ZMYND11: variants seen among roughly 807,000 people sequenced by gnomAD.
ZMYND11 encodes zinc finger MYND-type containing 11, also known as zinc finger MYND domain-containing protein 11.
A neutral mutation model predicts 84.9 loss-of-function variants in ZMYND11; 9 were observed. The ratio of observed to expected loss-of-function variants is 0.11; its 90% confidence interval spans 0.06 to 0.18. ZMYND11 has a LOEUF of 0.18. ZMYND11 is among the 10% of genes least tolerant of loss of function. ZMYND11 has a pLI of 1.00. For missense variants in ZMYND11, 409 were observed against 761.0 expected (o/e 0.54, Z 5.44); for synonymous variants, 250 against 244.1 (o/e 1.02, Z -0.23).
intron 10 of ZMYND11, chr10:244,709 G>T (rs370605982): frequency 3.3e-5 from 5 of 152,224 alleles, no homozygotes; most frequent in African/African-American, 1.2e-4. Context: ...AGCCAGATTA[G>T]ACTATTCCTC....
chr10:160,985 A>T (rs1271869475), intron 1 of ZMYND11, among the ~76,000 whole-genome samples: 11 of 123,270 alleles, frequency 8.9e-5, no homozygotes, highest in Non-Finnish European at 4.8e-5. Flanking sequence ...TTTTTGAGAC[A>T]GGGTCGTGCT....
chr10:221,803 A>G (rs1947181684), intron 4 of ZMYND11, among the ~76,000 whole-genome samples: 1 of 151,994 alleles, frequency 6.6e-6, no homozygotes, highest in Non-Finnish European at 1.5e-5. Context: ...TTTTTGTCAT[A>G]TCATGAGTTT....
chr10:245,361 ATT>A (rs1951904883), intron 10 of ZMYND11, among the ~76,000 whole-genome samples: 1 of 152,170 alleles, frequency 6.6e-6, no homozygotes, highest in Non-Finnish European at 1.5e-5. Context: ...GGAAATGGTT[ATT>A]TATGGCTGAG....
chr10:237,334 G>C (rs554270317), intron 5 of ZMYND11, among the ~76,000 whole-genome samples: 1 of 152,208 alleles, frequency 6.6e-6, no homozygotes, highest in East Asian at 1.9e-4. Context: ...CTTCCTCTGA[G>C]ATTTTGCTTT....
At chr10:214,637 A>G (rs1294804504) in intron 3 of ZMYND11, among the ~76,000 whole-genome samples, 3 of 152,234 alleles carry the variant, frequency 2.0e-5, no homozygotes, top group African/African-American at 7.2e-5. Flanking sequence ...ATTTTGTGAT[A>G]TCTGGTCATT....
chr10:240,808 A>ATTT, intron 8 of ZMYND11, 85 bp from the exon 9 acceptor site: 1 of 1,022,860 alleles, frequency 9.8e-7, no homozygotes, highest in South Asian at 1.5e-5. Flanking sequence ...ATATACGTGA[A>ATTT]TGTTAATTTA....
At chr10:195,972 G>A (rs1941630712) in intron 2 of ZMYND11, among the ~76,000 whole-genome samples, 1 of 152,202 alleles carries the variant, frequency 6.6e-6, no homozygotes, top group South Asian at 2.1e-4. Context: ...AGGACAGCGG[G>A]TCATATAACT....
chr10:133,992 TA>T (rs1554750735), upstream of ZMYND11, among the ~76,000 whole-genome samples: 1 of 152,166 alleles, frequency 6.6e-6, no homozygotes, highest in African/African-American at 2.4e-5. Context: ...AGCAGATTGA[TA>T]TATTTTATCA....
chr10:181,786 A>G (rs1379467529), intron 2 of ZMYND11, among the ~76,000 whole-genome samples: 5 of 152,188 alleles, frequency 3.3e-5, no homozygotes, highest in African/African-American at 1.2e-4. Context: ...AAAAGATAAT[A>G]CTATGTGAAC....
intron 1 of ZMYND11, among the ~76,000 whole-genome samples, chr10:138,537 A>T (rs1352773951): frequency 6.6e-6 from 1 of 152,138 alleles, no homozygotes; most frequent in Non-Finnish European, 1.5e-5. Context: ...GTAGTGTATA[A>T]TAGAGGCATT....
chr10:146,596 A>G (rs1405603246), intron 1 of ZMYND11, among the ~76,000 whole-genome samples: 1 of 152,066 alleles, frequency 6.6e-6, no homozygotes, highest in Non-Finnish European at 1.5e-5. Context: ...CTCTGTTCAT[A>G]TACTCCTAGG....
chr10:205,794 CT>C (rs999797445), intron 2 of ZMYND11, among the ~76,000 whole-genome samples: 2,316 of 144,762 alleles, frequency 0.016, 51 homozygotes, highest in African/African-American at 0.047. Context: ...TTTTAAGTAA[CT>C]TTTTTTTTTT....
chr10:136,144 G>C (rs1038095359), intron 1 of ZMYND11, among the ~76,000 whole-genome samples: 2 of 152,126 alleles, frequency 1.3e-5, no homozygotes, highest in Non-Finnish European at 2.9e-5. Flanking sequence ...CGCCTCAACA[G>C]GTCCTCGCGG....
rs372665963 is a variant in ZMYND11, at chr10:247,476, C to G, written c.1227+10C>G. On this transcript the variant is annotated intron_variant, in intron 12 of 14. Transcript: ENST00000381604. Reference sequence around the variant, plus strand: ...GGAGCCCAAAAAGGAAGTAAGTTGCCCACCTCGCAGTATCCAGGTGGCAAA... The same window carrying G: ...GGAGCCCAAAAAGGAAGTAAGTTGCGCACCTCGCAGTATCCAGGTGGCAAA... 4.5e-5 allele frequency: 72 copies of G among 1,613,386 alleles called. 5 individuals carry two copies. The South Asian group carries it at 7.7e-4, about 17-fold the overall frequency.
chr10:161,118 C>T (rs556763273), intron 1 of ZMYND11, among the ~76,000 whole-genome samples: 23 of 152,068 alleles, frequency 1.5e-4, no homozygotes, highest in Admixed American at 5.9e-4. Flanking sequence ...TGAGCCACTG[C>T]GCCCAGCTGA....
At chr10:215,299 T>C (rs892791340) in intron 3 of ZMYND11, among the ~76,000 whole-genome samples, 2 of 151,830 alleles carry the variant, frequency 1.3e-5, no homozygotes, top group African/African-American at 4.8e-5. Flanking sequence ...ACAAAAATAA[T>C]ATATGAGTTT....
At chr10:162,330 A>T (rs1843106393) in intron 1 of ZMYND11, among the ~76,000 whole-genome samples, 1 of 152,222 alleles carries the variant, frequency 6.6e-6, no homozygotes, top group South Asian at 2.1e-4. Flanking sequence ...ATAATGGAAA[A>T]GTCTGAAATA....
chr10:227,455 T>G (rs1948326848), intron 4 of ZMYND11, among the ~76,000 whole-genome samples: 1 of 152,198 alleles, frequency 6.6e-6, no homozygotes, highest in South Asian at 2.1e-4. Flanking sequence ...CTTTATCAAT[T>G]GGGTACAGAC....
At chr10:210,078 G>T (rs778969213) in intron 3 of ZMYND11, 30 bp downstream of exon 3, 155 of 1,606,054 alleles carry the variant, frequency 9.7e-5, no homozygotes, top group Non-Finnish European at 1.3e-4. Flanking sequence ...TAAACATAGA[G>T]ATGTGAACTT....
Sources: gnomAD v4.1 joint callset for allele counts (sites outside exome capture counted in the v4.1 genomes callset) on GRCh38, gnomAD v4.1.1 for gene constraint, MANE v1.5 for transcripts, NCBI Gene and HGNC (gene_info 2026-07-23, HGNC 2026-07-21) for gene names.